CASP4: variants seen among roughly 807,000 people sequenced by gnomAD.
The protein encoded by CASP4 is caspase 4, also known as caspase-4.
A neutral mutation model predicts 41.3 loss-of-function variants in CASP4; 29 were observed. That is an observed-to-expected ratio of 0.70 (90% CI 0.52 to 0.96). CASP4 has a LOEUF of 0.96. CASP4 is among the 40% of genes least tolerant of loss of function. The pLI, the probability that CASP4 is intolerant of heterozygous loss-of-function variation, is 0.00. For synonymous variants in CASP4, 185 were observed against 158.4 expected (o/e 1.17, Z -1.26); for missense variants, 447 against 460.6 (o/e 0.97, Z 0.27).
At chr11:104,949,367 A>AT (rs1860546838) in intron 5 of CASP4, 176 bp downstream of exon 5, 1 of 675,004 alleles carries the variant, frequency 1.5e-6, no homozygotes. Flanking sequence ...TTCTCCACTA[A>AT]TTTTGATGAG....
chr11:104,947,909 T>A (rs1860503258), intron 6 of CASP4: 1 of 152,184 alleles, frequency 6.6e-6, no homozygotes, highest in Non-Finnish European at 1.5e-5. Flanking sequence ...GTGGTGATGA[T>A]TTCAGGAGTA....
chr11:104,954,398 G>T (rs903958215), intron 2 of CASP4, among the ~76,000 whole-genome samples: 2 of 152,122 alleles, frequency 1.3e-5, no homozygotes, highest in African/African-American at 4.8e-5. Context: ...TTCACAGATG[G>T]TAAGACTAAT....
chr11:104,952,648 C>T (rs1370004384), intron 2 of CASP4, among the ~76,000 whole-genome samples: 1 of 152,142 alleles, frequency 6.6e-6, no homozygotes, highest in African/African-American at 2.4e-5. Context: ...TACATACATA[C>T]ACCAAAGCAC....
At chr11:104,952,262 G>T (rs1420118203) in intron 2 of CASP4, among the ~76,000 whole-genome samples, 1 of 151,956 alleles carries the variant, frequency 6.6e-6, no homozygotes, top group Non-Finnish European at 1.5e-5. Context: ...GTTAAATTTG[G>T]CCTTTCCTTA....
intron 1 of CASP4, among the ~76,000 whole-genome samples, chr11:104,964,058 A>G (rs1860920034): frequency 6.6e-6 from 1 of 152,104 alleles, no homozygotes. Context: ...TTTACTGTAC[A>G]TTATTAGTAA....
intron 7 of CASP4, among the ~76,000 whole-genome samples, chr11:104,946,020 AT>A (rs1470122577): frequency 6.6e-6 from 1 of 151,624 alleles, no homozygotes; most frequent in Non-Finnish European, 1.5e-5. Flanking sequence ...TAATTTTTGT[AT>A]TTTTTGTAGA....
rs768901504 is a variant in CASP4, at chr11:104,951,914, A to G, written c.354T>C (p.Cys118=). The G allele has an allele frequency of 9.9e-6, 16 of 1,609,578 alleles. No individual in the cohort carries two copies. The highest frequency in any genetic ancestry group is 1.2e-5 in the Non-Finnish European group (14 of 1,176,438). Residue 118 remains cysteine (C), a synonymous_variant, in exon 3 of 9, where the codon TGT becomes TGC. Transcript: ENST00000444739. ...LCPHEEFLRL[C]KERAEEIYPI... is the part of the protein sequence containing the mutation. ...ATAGCACCTCTTCAGCTCTTTCTTT[A>G]CATAGTCTCAGGAATTCTTCATGAG...
intron 1 of CASP4, among the ~76,000 whole-genome samples, chr11:104,965,777 C>A: frequency 6.6e-6 from 1 of 152,222 alleles, no homozygotes; most frequent in East Asian, 1.9e-4. Flanking sequence ...CAGCCTCTGG[C>A]TCCTAGAATT....
intron 8 of CASP4, chr11:104,943,203 GATA>G: frequency 3.3e-6 from 1 of 307,278 alleles, no homozygotes; most frequent in Non-Finnish European, 6.4e-6. Flanking sequence ...GTCTCGCTCA[GATA>G]ATAATTTTTA....
At position 104,963,128 on chromosome 11, in the gene CASP4, A is replaced by T. The variant is rs148427017; in HGVS notation, c.7+5391T>A. 4.6e-4 allele frequency among the ~76,000 whole-genome samples: 70 copies of T among 152,384 alleles called. 1 individual carries two copies. The highest frequency in any genetic ancestry group is 1.6e-3 in the African/African-American group (66 of 41,594). ...GTTAAGAGCACTAAGGTTAAAAGTCAGCTTAATTAAAAGTGAATAAACAAG... is the reference window on the plus strand; with the variant it reads ...GTTAAGAGCACTAAGGTTAAAAGTCTGCTTAATTAAAAGTGAATAAACAAG... On this transcript the variant is annotated intron_variant, in intron 1 of 8. Transcript: ENST00000444739.
intron 1 of CASP4, among the ~76,000 whole-genome samples, chr11:104,958,427 C>G (rs1398428098): frequency 1.3e-5 from 2 of 152,012 alleles, no homozygotes; most frequent in African/African-American, 4.8e-5. Context: ...ACAAACAATT[C>G]AATAGAAAGA....
Position 104,944,368 on chromosome 11 carries a change from C to CTG in CASP4, c.*5+378_*5+379dup, listed in dbSNP as rs199937164. 1.8e-3 allele frequency: 257 copies of CTG among 141,544 alleles called. 2 individuals carry two copies. The highest frequency in any genetic ancestry group is 3.9e-3 in the Admixed American group (56 of 14,182). The allele number at this position is 141,544 out of a possible 1,614,324, so 8.8% of individuals were successfully genotyped here. On this transcript the variant is annotated intron_variant, in intron 8 of 8. Transcript: ENST00000444739. ...TGTCTCTCTCTCTCTCTCTCTCTCT[C>CTG]TGTGTGTGTGTGTGTGTGTGTGTGT...
At chr11:104,962,829 C>G (rs1355895698) in intron 1 of CASP4, among the ~76,000 whole-genome samples, 1 of 152,168 alleles carries the variant, frequency 6.6e-6, no homozygotes, top group East Asian at 1.9e-4. Context: ...GGCTCAGGCT[C>G]TATTCTTGGC....
At chr11:104,947,907 G>T (rs1860503201) in intron 6 of CASP4, 1 of 152,136 alleles carries the variant, frequency 6.6e-6, no homozygotes, top group African/African-American at 2.4e-5. Flanking sequence ...TAGTGGTGAT[G>T]ATTTCAGGAG....
intron 1 of CASP4, 127 bp downstream of exon 1, chr11:104,968,392 A>G (rs1256887631): frequency 5.9e-6 from 5 of 841,278 alleles, no homozygotes; most frequent in East Asian, 4.9e-5. Flanking sequence ...ACTACACACA[A>G]TCAGTAAGAA....
At chr11:104,963,801 C>T (rs1437002956) in intron 1 of CASP4, among the ~76,000 whole-genome samples, 1 of 152,142 alleles carries the variant, frequency 6.6e-6, no homozygotes, top group Non-Finnish European at 1.5e-5. Context: ...AGTAGTATTT[C>T]CTTCCTTTTG....
At chr11:104,961,154 T>TG (rs1860849748) in intron 1 of CASP4, among the ~76,000 whole-genome samples, 1 of 152,238 alleles carries the variant, frequency 6.6e-6, no homozygotes, top group South Asian at 2.1e-4. Context: ...CTAGTTCTCT[T>TG]GGACTGGGGG....
At chr11:104,953,293 C>T (rs1860659546) in intron 2 of CASP4, among the ~76,000 whole-genome samples, 1 of 152,112 alleles carries the variant, frequency 6.6e-6, no homozygotes, top group African/African-American at 2.4e-5. Flanking sequence ...CACTAGACCC[C>T]TCCTGTGAGG....
chr11:104,950,932 G>A lies in CASP4; in HGVS notation c.539C>T (p.Thr180Ile). ...CGGCTGAGGGATTCTTACCCTGGCTGTCAGATTCTCTTCTACATCTACACT... is the reference window on the plus strand; with the variant it reads ...CGGCTGAGGGATTCTTACCCTGGCTATCAGATTCTCTTCTACATCTACACT... ...DYSVDVEENL[T>I]ARDMESALRA... Residue 180 changes from threonine (T) to isoleucine (I), a missense_variant, in exon 4 of 9, where the codon ACA (threonine) becomes ATA (isoleucine). Transcript: ENST00000444739. The A allele has an allele frequency of 6.2e-7, 1 of 1,611,014 alleles. No homozygotes were observed. The highest frequency in any genetic ancestry group is 8.5e-7 in the Non-Finnish European group (1 of 1,178,502).
Sources: allele counts gnomAD v4.1 joint callset (sites outside exome capture counted in the v4.1 genomes callset), GRCh38; gene constraint gnomAD v4.1.1; transcripts MANE v1.5; gene names NCBI Gene and HGNC (gene_info 2026-07-23, HGNC 2026-07-21).